The following CTNNA3 variants were observed in gnomAD, a reference collection of about 807,000 sequenced individuals.
CTNNA3 encodes catenin alpha-3.
In CTNNA3, 76 loss-of-function variants were observed where a neutral mutation model predicts 95.7. That is an observed-to-expected ratio of 0.79 (90% CI 0.66 to 0.96). The LOEUF is 0.96. Among genes scored for constraint, CTNNA3 ranks in the 40% least tolerant of loss-of-function variants. The pLI is 0.00. For synonymous variants in CTNNA3, 431 were observed against 374.4 expected (o/e 1.15, Z -1.74); for missense variants, 1,191 against 1,089.8 (o/e 1.09, Z -1.31).
At chr10:66,006,276 G>A (rs2078882311) in intron 15 of CTNNA3, among the ~76,000 whole-genome samples, 1 of 152,034 alleles carries the variant, frequency 6.6e-6, no homozygotes, top group South Asian at 2.1e-4. Flanking sequence ...GCCTCCCAAA[G>A]TGCTGGGATT....
At chr10:66,341,397 T>C (rs556867730) in intron 12 of CTNNA3, among the ~76,000 whole-genome samples, 1 of 152,042 alleles carries the variant, frequency 6.6e-6, no homozygotes, top group South Asian at 2.1e-4. Flanking sequence ...AGAGGCTACT[T>C]TGACTAAGCT....
chr10:67,063,783 G>A (rs1855901698), intron 7 of CTNNA3, among the ~76,000 whole-genome samples: 1 of 152,200 alleles, frequency 6.6e-6, no homozygotes, highest in Non-Finnish European at 1.5e-5. Context: ...TCTATTGAGA[G>A]GTGGCTTGGA....
At chr10:66,547,049 G>T (rs1368954215) in intron 10 of CTNNA3, among the ~76,000 whole-genome samples, 1 of 151,964 alleles carries the variant, frequency 6.6e-6, no homozygotes, top group African/African-American at 2.4e-5. Flanking sequence ...GAATATACTT[G>T]ATTTCTTCTA....
chr10:66,196,312 T>C (rs1388410729), intron 13 of CTNNA3, among the ~76,000 whole-genome samples: 2 of 152,120 alleles, frequency 1.3e-5, no homozygotes, highest in African/African-American at 4.8e-5. Context: ...TACGTGCTAA[T>C]ACTTTATTTA....
At chr10:66,070,340 C>T (rs1589323547) in intron 14 of CTNNA3, among the ~76,000 whole-genome samples, 1 of 152,146 alleles carries the variant, frequency 6.6e-6, no homozygotes, top group East Asian at 1.9e-4. Context: ...AATATGCAAG[C>T]ACGTTAAGTA....
At chr10:66,745,587 C>CTT (rs368932444) in intron 9 of CTNNA3, among the ~76,000 whole-genome samples, 1,863 of 109,620 alleles carry the variant, frequency 0.017, 75 homozygotes, top group African/African-American at 0.02. Context: ...TGCAGACAGC[C>CTT]TTTTTTTTTT....
intron 15 of CTNNA3, among the ~76,000 whole-genome samples, chr10:66,001,701 AATT>A (rs143437313): frequency 0.015 from 2,257 of 152,302 alleles, 33 homozygotes; most frequent in Non-Finnish European, 0.019. Flanking sequence ...TTTTACAAAT[AATT>A]ATATTTTATA....
intron 7 of CTNNA3, among the ~76,000 whole-genome samples, chr10:67,090,062 T>C (rs762002965): frequency 2.6e-5 from 4 of 152,100 alleles, no homozygotes; most frequent in South Asian, 2.1e-4. Flanking sequence ...ATATTTTAAC[T>C]GGAAAATATC....
chr10:67,713,895 A>T (rs569317545), intron 1 of CTNNA3, among the ~76,000 whole-genome samples: 7 of 152,270 alleles, frequency 4.6e-5, no homozygotes, highest in Admixed American at 3.9e-4. Flanking sequence ...TGGCACATGT[A>T]TACCTATGTA....
chr10:66,166,678 T>C (rs1455353152), intron 13 of CTNNA3, among the ~76,000 whole-genome samples: 1 of 152,046 alleles, frequency 6.6e-6, no homozygotes, highest in Non-Finnish European at 1.5e-5. Context: ...TGTGACAATG[T>C]GGGAGGCATA....
At chr10:66,778,632 C>T (rs561519558) in intron 7 of CTNNA3, among the ~76,000 whole-genome samples, 5 of 152,128 alleles carry the variant, frequency 3.3e-5, no homozygotes, top group African/African-American at 1.2e-4. Flanking sequence ...ATAGGGAAAG[C>T]AGTCACATTC....
chr10:67,534,657 T>C (rs1258537994), intron 4 of CTNNA3, among the ~76,000 whole-genome samples: 1 of 152,106 alleles, frequency 6.6e-6, no homozygotes. Flanking sequence ...CTCTGGTAGG[T>C]TGGAGAATGT....
At chr10:67,241,600 G>A (rs1353938309) in intron 5 of CTNNA3, among the ~76,000 whole-genome samples, 1 of 152,132 alleles carries the variant, frequency 6.6e-6, no homozygotes, top group Non-Finnish European at 1.5e-5. Flanking sequence ...ACATTATGGT[G>A]CATCTCAAAG....
intron 7 of CTNNA3, among the ~76,000 whole-genome samples, chr10:66,914,384 G>C (rs1213851203): frequency 6.6e-6 from 1 of 151,840 alleles, no homozygotes; most frequent in Non-Finnish European, 1.5e-5. Flanking sequence ...CCCTCCGGCA[G>C]GGTACTTTCT....
chr10:67,419,632 G>A (rs1313270394), intron 5 of CTNNA3, among the ~76,000 whole-genome samples: 1 of 151,928 alleles, frequency 6.6e-6, no homozygotes, highest in Non-Finnish European at 1.5e-5. Context: ...ATCTCTGAAG[G>A]ATGTAAATGA....
intron 7 of CTNNA3, among the ~76,000 whole-genome samples, chr10:67,138,305 A>G (rs1203666649): frequency 1.3e-5 from 2 of 152,208 alleles, no homozygotes; most frequent in African/African-American, 4.8e-5. Context: ...TCATCAAAGA[A>G]CAACATAAGT....
chr10:66,790,172 G>T (rs1024933523), intron 7 of CTNNA3, among the ~76,000 whole-genome samples: 1 of 152,066 alleles, frequency 6.6e-6, no homozygotes, highest in Non-Finnish European at 1.5e-5. Flanking sequence ...TTTCTGGCTG[G>T]GTGTGGTGGC....
chr10:67,338,287 G>A (rs1374302167), intron 5 of CTNNA3, among the ~76,000 whole-genome samples: 1 of 152,112 alleles, frequency 6.6e-6, no homozygotes. Flanking sequence ...GACAGCATGA[G>A]CAAGGTGTGG....
intron 9 of CTNNA3, among the ~76,000 whole-genome samples, chr10:66,632,049 G>C (rs2394222): frequency 0.37 from 56,710 of 151,954 alleles, 10,782 homozygotes; most frequent in Middle Eastern, 0.5. Context: ...CATATCTATA[G>C]ATGTATTAAA....
Sources: allele counts gnomAD v4.1 joint callset (sites outside exome capture counted in the v4.1 genomes callset), GRCh38; gene constraint gnomAD v4.1.1; transcripts MANE v1.5; gene names NCBI Gene and HGNC (gene_info 2026-07-23, HGNC 2026-07-21).